Variants in CDC73 observed in about 807,000 individuals in gnomAD.
The protein encoded by CDC73 is cell division cycle 73.
CDC73 carries 21 observed loss-of-function variants against 83.7 expected under a neutral mutation model. The observed-to-expected ratio is 0.25, with a 90% CI of 0.18 to 0.36. CDC73 has a LOEUF of 0.36. CDC73 is among the 10% of genes least tolerant of loss of function. CDC73 has a pLI of 1.00. For synonymous variants in CDC73, 224 were observed against 212.9 expected (o/e 1.05, Z -0.45); for missense variants, 342 against 653.3 (o/e 0.52, Z 5.19).
intron 13 of CDC73, among the ~76,000 whole-genome samples, chr1:193,221,566 T>G (rs1677470223): frequency 6.6e-6 from 1 of 152,194 alleles, no homozygotes; most frequent in South Asian, 2.1e-4. Context: ...AAAAAGAAAT[T>G]GTCTTTTCAT....
intron 10 of CDC73, chr1:193,181,482 A>G (rs1167298461): frequency 1.2e-5 from 20 of 1,614,020 alleles, no homozygotes; most frequent in Non-Finnish European, 1.7e-5. Context: ...GTACTCCAAT[A>G]AGATGAGTGC....
intron 2 of CDC73, 29 bp downstream of exon 2, chr1:193,125,246 CTATT>C (rs975508557): frequency 6.0e-6 from 7 of 1,173,528 alleles, no homozygotes; most frequent in African/African-American, 4.5e-5. Context: ...ACTTATCTAT[CTATT>C]TATCAGTTTT....
chr1:193,130,382 T>C (rs1012399451), intron 3 of CDC73, 139 bp downstream of exon 3: 3 of 700,148 alleles, frequency 4.3e-6, no homozygotes. Flanking sequence ...TGTGCTCACC[T>C]TTTTCTTATA....
rs1204832496 is a variant in CDC73, at chr1:193,250,613, GCATTATT to G, written c.1560-61_1560-55del. On this transcript the variant is annotated intron_variant, in intron 16 of 16. Transcript: ENST00000367435. Reference sequence around the variant, plus strand: ...AAGAAATGTCAACTTGTTTTTACATGCATTATTCTAAAAATTCTAAAATTCCTATAGT... The same window carrying G: ...AAGAAATGTCAACTTGTTTTTACATGCTAAAAATTCTAAAATTCCTATAGT... 7 of 1,139,930 alleles carry G rather than the reference GCATTATT, an allele frequency of 6.1e-6. No homozygotes were observed. The African/African-American group carries it at 1.1e-4, about 18-fold the overall frequency. 70.6% of individuals were successfully genotyped at this position (1,139,930 alleles called of 1,614,324 possible). A position where few individuals can be genotyped will look rare whatever the true frequency, so the allele number is the denominator to read the frequency against.
intron 10 of CDC73, among the ~76,000 whole-genome samples, chr1:193,175,779 G>T (rs181439573): frequency 7.2e-5 from 11 of 152,170 alleles, no homozygotes; most frequent in Non-Finnish European, 1.3e-4. Flanking sequence ...GTGGATTTTG[G>T]TGTCTGCAGA....
chr1:193,225,196 C>A (rs1677545278), intron 13 of CDC73, among the ~76,000 whole-genome samples: 1 of 151,318 alleles, frequency 6.6e-6, no homozygotes, highest in South Asian at 2.1e-4. Context: ...ATCCAGATTG[C>A]AGCAAATGGC....
chr1:193,139,925 C>T (rs531874123), intron 6 of CDC73, among the ~76,000 whole-genome samples: 2 of 152,342 alleles, frequency 1.3e-5, no homozygotes, highest in Admixed American at 1.3e-4. Flanking sequence ...GTCTAATTCA[C>T]TTGGGTGGTT....
At chr1:193,184,363 GTATT>G (rs1182408434) in intron 10 of CDC73, among the ~76,000 whole-genome samples, 1 of 151,814 alleles carries the variant, frequency 6.6e-6, no homozygotes, top group Non-Finnish European at 1.5e-5. Flanking sequence ...ATTGCCTGTT[GTATT>G]TTAATTCTTA....
intron 11 of CDC73, among the ~76,000 whole-genome samples, chr1:193,208,667 C>T (rs959256589): frequency 6.6e-6 from 1 of 152,078 alleles, no homozygotes; most frequent in Non-Finnish European, 1.5e-5. Flanking sequence ...ATAGGACTTG[C>T]CAGTGTCACT....
At chr1:193,203,532 A>T (rs1293547621) in intron 10 of CDC73, among the ~76,000 whole-genome samples, 2 of 152,214 alleles carry the variant, frequency 1.3e-5, no homozygotes, top group Non-Finnish European at 2.9e-5. Context: ...ACATGCTTAC[A>T]GTAACTACTC....
intron 7 of CDC73, among the ~76,000 whole-genome samples, chr1:193,145,424 C>T (rs911381018): frequency 7.2e-5 from 11 of 151,966 alleles, no homozygotes; most frequent in Admixed American, 1.3e-4. Flanking sequence ...CAATAAATGT[C>T]GAATGTAGAA....
chr1:193,213,626 A>G (rs1421324520), intron 13 of CDC73, among the ~76,000 whole-genome samples: 1 of 152,174 alleles, frequency 6.6e-6, no homozygotes, highest in Non-Finnish European at 1.5e-5. Flanking sequence ...TGTTTGTTGC[A>G]TTCTCATGGT....
intron 10 of CDC73, chr1:193,180,156 G>T: frequency 1.3e-6 from 1 of 765,908 alleles, no homozygotes; most frequent in Non-Finnish European, 1.9e-6. Context: ...AACTTCTTCA[G>T]AAATTAAAAA....
chr1:193,150,724 G>A (rs774914813), intron 9 of CDC73, among the ~76,000 whole-genome samples: 1 of 152,078 alleles, frequency 6.6e-6, no homozygotes, highest in African/African-American at 2.4e-5. Context: ...AGCTTATGTC[G>A]TAGTAACTTT....
At chr1:193,247,581 C>T (rs1211475834) in intron 15 of CDC73, among the ~76,000 whole-genome samples, 1 of 152,078 alleles carries the variant, frequency 6.6e-6, no homozygotes, top group African/African-American at 2.4e-5. Context: ...AGGCCAAAAG[C>T]TAGGTCTATT....
chr1:193,226,742 G>C (rs1302399075), intron 13 of CDC73, among the ~76,000 whole-genome samples: 2 of 152,102 alleles, frequency 1.3e-5, no homozygotes, highest in East Asian at 3.8e-4. Context: ...AAGAATCTTT[G>C]CATCTGTGTT....
chr1:193,173,868 A>G (rs1558297925), intron 10 of CDC73, among the ~76,000 whole-genome samples: 1 of 152,176 alleles, frequency 6.6e-6, no homozygotes, highest in Non-Finnish European at 1.5e-5. Flanking sequence ...AATTTGATAA[A>G]TACCAGATTT....
intron 10 of CDC73, chr1:193,178,978 ATTTC>A (rs1455603036): frequency 6.6e-6 from 1 of 152,182 alleles, no homozygotes; most frequent in Non-Finnish European, 1.5e-5. Flanking sequence ...GTAGGTTGGT[ATTTC>A]TTGATTTTAA....
chr1:193,135,532 T>C lies in CDC73; in HGVS notation c.371-5T>C, dbSNP rs968260282. On this transcript the variant is annotated splice_polypyrimidine_tract_variant and splice_region_variant and intron_variant, in intron 4 of 16. Coordinates refer to ENST00000367435, the MANE Select transcript of CDC73 (RefSeq NM_024529.5). ...CACATTTATTTACTTCTCTTTCTTT[T>C]ATAGTCAAACGAGCTGCAGATGAAG... is the stretch of plus-strand genomic sequence containing the variant. 5 of 1,613,468 alleles carry C rather than the reference T, an allele frequency of 3.1e-6. No homozygotes were observed. Among genetic ancestry groups the C allele is most frequent in the Admixed American group, 1.7e-5 (1 of 60,008 alleles).
Sources: allele counts gnomAD v4.1 joint callset (sites outside exome capture counted in the v4.1 genomes callset), GRCh38; gene constraint gnomAD v4.1.1; transcripts MANE v1.5; gene names NCBI Gene and HGNC (gene_info 2026-07-23, HGNC 2026-07-21).